RSRC1: variants seen among roughly 807,000 people sequenced by gnomAD.
RSRC1 encodes serine/Arginine-related protein 53.
In RSRC1, 39 loss-of-function variants were observed where a neutral mutation model predicts 49.1. The ratio of observed to expected loss-of-function variants is 0.79; its 90% CI spans 0.61 to 1.04. RSRC1 has a LOEUF of 1.04. Among genes scored for constraint, RSRC1 ranks in the 50% least tolerant of loss-of-function variants. RSRC1 has a pLI of 0.00. For synonymous variants in RSRC1, 143 were observed against 130.8 expected (o/e 1.09, Z -0.63); for missense variants, 388 against 402.4 (o/e 0.96, Z 0.31).
At position 158,399,123 on chromosome 3, in the gene RSRC1, C is replaced by CTTTTTTTT. The variant is rs1161504489; in HGVS notation, c.583+44257_583+44264dup. ...GTCTTATAAGAAATACTATTATTTC[C>CTTTTTTTT]TTTTTTTTTTTTTTTTTTTTTTTTT... On this transcript the variant is annotated intron_variant, in intron 6 of 9. Transcript: ENST00000611884. Among the ~76,000 whole-genome samples the CTTTTTTTT allele has an allele frequency of 8.6e-4, 26 of 30,108 alleles. 13 individuals carry two copies. The highest frequency in any genetic ancestry group is 1.1e-3 in the Non-Finnish European group (16 of 14,906). The allele number at this position is 30,108 out of a possible 152,430, so 19.8% of individuals were successfully genotyped here. A position where few individuals can be genotyped will look rare whatever the true frequency, so the allele number is the denominator to read the frequency against.
At chr3:158,312,245 G>A (rs753602864) in intron 5 of RSRC1, among the ~76,000 whole-genome samples, 2 of 151,770 alleles carry the variant, frequency 1.3e-5, no homozygotes, top group Non-Finnish European at 2.9e-5. Flanking sequence ...TAATGAATAG[G>A]CAGCATCTCT....
intron 5 of RSRC1, among the ~76,000 whole-genome samples, chr3:158,310,843 G>C (rs977046232): frequency 2.6e-5 from 4 of 151,678 alleles, no homozygotes; most frequent in Non-Finnish European, 4.4e-5. Context: ...GTACTCATAT[G>C]TCAAAATTTA....
intron 5 of RSRC1, among the ~76,000 whole-genome samples, chr3:158,312,587 T>C (rs1478390689): frequency 6.6e-6 from 1 of 152,130 alleles, no homozygotes; most frequent in Non-Finnish European, 1.5e-5. Context: ...AAAGATTGGA[T>C]GGATAACAGC....
intron 6 of RSRC1, among the ~76,000 whole-genome samples, chr3:158,457,020 A>G (rs1220134942): frequency 6.6e-6 from 1 of 152,152 alleles, no homozygotes; most frequent in African/African-American, 2.4e-5. Flanking sequence ...AGAAAGGTAC[A>G]TTTATTTATT....
At chr3:158,403,539 A>T (rs952772555) in intron 6 of RSRC1, among the ~76,000 whole-genome samples, 2 of 151,812 alleles carry the variant, frequency 1.3e-5, no homozygotes, top group African/African-American at 4.8e-5. Context: ...TTTTAATCAG[A>T]AGTAAAATTT....
intron 3 of RSRC1, among the ~76,000 whole-genome samples, chr3:158,197,079 T>C (rs2461506): frequency 0.66 from 99,536 of 151,798 alleles, 32,873 homozygotes; most frequent in East Asian, 0.84. Context: ...AGGAATGGTA[T>C]CAGCTCCTCC....
intron 5 of RSRC1, among the ~76,000 whole-genome samples, chr3:158,347,908 G>C (rs767766795): frequency 1.3e-4 from 20 of 152,082 alleles, no homozygotes; most frequent in Admixed American, 1.3e-3. Context: ...TTGTGATTAC[G>C]TAGTAGGTGT....
intron 7 of RSRC1, among the ~76,000 whole-genome samples, chr3:158,501,067 T>G (rs931231621): frequency 5.9e-5 from 9 of 152,320 alleles, no homozygotes; most frequent in African/African-American, 2.2e-4. Flanking sequence ...GTCATTACTG[T>G]CATTCAGTTC....
chr3:158,150,289 C>G (rs190495670), intron 3 of RSRC1, among the ~76,000 whole-genome samples: 3 of 152,208 alleles, frequency 2.0e-5, no homozygotes, highest in African/African-American at 7.2e-5. Context: ...ATTTATTGCA[C>G]CAGTATAAGA....
rs140821035 is a variant in RSRC1, at chr3:158,218,532, T to C, written c.494+15287T>C. On this transcript the variant is annotated intron_variant, in intron 4 of 9. Coordinates refer to ENST00000611884, the MANE Select transcript of RSRC1 (RefSeq NM_001271838.2). ...AGGATTACATTGGAAGATGGCAGGG[T>C]ATCATACATTTGCTTTGGACATACT... is the stretch of plus-strand genomic sequence containing the variant. 5.7e-4 allele frequency among the ~76,000 whole-genome samples: 87 copies of C among 151,752 alleles called. No individual in the cohort carries two copies. In the East Asian group the frequency reaches 0.013, roughly 22 times the overall value.
intron 4 of RSRC1, among the ~76,000 whole-genome samples, chr3:158,248,951 T>C (rs1724058297): frequency 2.6e-5 from 4 of 152,184 alleles, no homozygotes; most frequent in Admixed American, 2.0e-4. Context: ...TACCAATAGT[T>C]GGTATTGTTG....
intron 6 of RSRC1, among the ~76,000 whole-genome samples, chr3:158,386,500 G>A (rs911926415): frequency 2.0e-5 from 3 of 151,970 alleles, no homozygotes; most frequent in African/African-American, 7.2e-5. Context: ...GACGAATATA[G>A]CTAAACCACT....
chr3:158,520,503 T>A (rs1711596978), intron 7 of RSRC1, among the ~76,000 whole-genome samples: 1 of 152,150 alleles, frequency 6.6e-6, no homozygotes, highest in Non-Finnish European at 1.5e-5. Flanking sequence ...CACTGAAAAT[T>A]ATCTTTTAAA....
chr3:158,338,930 T>A lies in RSRC1; in HGVS notation c.532-15927T>A, dbSNP rs1294040744. 2.0e-5 allele frequency among the ~76,000 whole-genome samples: 3 copies of A among 152,216 alleles called. No homozygotes were observed. In the East Asian group the frequency reaches 5.8e-4, roughly 29 times the overall value. The stretch of plus-strand genomic sequence containing the variant: ...TGAGAATTTTGTTAAATGAGGTATG[T>A]AAAATGTTTAGCATGGGATCTCGAA... On this transcript the variant is annotated intron_variant, in intron 5 of 9. Transcript: ENST00000611884.
At chr3:158,144,331 G>T in intron 3 of RSRC1, among the ~76,000 whole-genome samples, 1 of 150,414 alleles carries the variant, frequency 6.6e-6, no homozygotes, top group Admixed American at 6.6e-5. Context: ...TCCCCTTCCT[G>T]TGTCCAAGTG....
intron 6 of RSRC1, among the ~76,000 whole-genome samples, chr3:158,441,773 A>G (rs187432168): frequency 6.6e-6 from 1 of 152,232 alleles, no homozygotes; most frequent in Admixed American, 6.5e-5. Flanking sequence ...GATTGTGAGG[A>G]TAAACTGTGA....
intron 4 of RSRC1, among the ~76,000 whole-genome samples, chr3:158,294,434 A>G (rs1455767467): frequency 1.3e-5 from 2 of 151,958 alleles, no homozygotes; most frequent in Admixed American, 1.3e-4. Flanking sequence ...TTATGTTTAC[A>G]TTCTTGTTTA....
intron 7 of RSRC1, among the ~76,000 whole-genome samples, chr3:158,517,759 T>TTTTTTG: frequency 4.2e-5 from 1 of 24,064 alleles, no homozygotes; most frequent in South Asian, 2.2e-3. Context: ...CAGCTAATTT[T>TTTTTTG]TTTTTTTTTT....
At chr3:158,428,291 T>G (rs1200887863) in intron 6 of RSRC1, among the ~76,000 whole-genome samples, 2 of 151,912 alleles carry the variant, frequency 1.3e-5, no homozygotes, top group African/African-American at 2.4e-5. Flanking sequence ...CATATCAGTT[T>G]GTTCAATACG....
Sources: allele counts gnomAD v4.1 joint callset (sites outside exome capture counted in the v4.1 genomes callset), GRCh38; gene constraint gnomAD v4.1.1; transcripts MANE v1.5; gene names NCBI Gene and HGNC (gene_info 2026-07-23, HGNC 2026-07-21).